SPOCK1: variants seen among roughly 807,000 people sequenced by gnomAD.
The protein encoded by SPOCK1 is testican-1.
Under a neutral mutation model 55.3 loss-of-function variants are expected in SPOCK1, and 23 were observed. The ratio of observed to expected loss-of-function variants is 0.42; its 90% CI spans 0.30 to 0.59. The LOEUF (loss-of-function observed/expected upper bound fraction) is 0.59. Ranked by LOEUF, SPOCK1 falls within the 20% of genes least tolerant of loss-of-function variation. SPOCK1 has a pLI of 0.22. For missense variants in SPOCK1, 499 were observed against 552.5 expected (o/e 0.90, Z 0.97); for synonymous variants, 226 against 221.0 (o/e 1.02, Z -0.20).
At chr5:137,406,300 G>A (rs1048437311) in intron 2 of SPOCK1, among the ~76,000 whole-genome samples, 1 of 152,210 alleles carries the variant, frequency 6.6e-6, no homozygotes, top group Non-Finnish European at 1.5e-5. Flanking sequence ...TCGGAAGGAA[G>A]AGATTAATTC....
chr5:137,384,576 A>ATATATATATG (rs747142799), intron 2 of SPOCK1, among the ~76,000 whole-genome samples: 55 of 140,270 alleles, frequency 3.9e-4, no homozygotes, highest in South Asian at 1.2e-3. Context: ...ATATATATAT[A>ATATATATATG]TATGTATGTA....
At chr5:137,274,032 G>T (rs1477497412) in intron 2 of SPOCK1, among the ~76,000 whole-genome samples, 1 of 152,166 alleles carries the variant, frequency 6.6e-6, no homozygotes, top group Non-Finnish European at 1.5e-5. Flanking sequence ...TCCAAGCTGG[G>T]GTGGAGAGAA....
intron 2 of SPOCK1, among the ~76,000 whole-genome samples, chr5:137,276,044 T>A (rs1757060616): frequency 6.6e-6 from 1 of 152,162 alleles, no homozygotes; most frequent in African/African-American, 2.4e-5. Context: ...TCTGGTCACA[T>A]CACCCTCCTG....
chr5:137,023,888 G>C (rs1751618571), intron 6 of SPOCK1, among the ~76,000 whole-genome samples: 1 of 151,210 alleles, frequency 6.6e-6, no homozygotes, highest in African/African-American at 2.4e-5. Context: ...TGCAAATAAA[G>C]GTAGTAAAAT....
At chr5:137,112,606 C>A (rs751947597) in intron 4 of SPOCK1, 45 bp from the exon 5 acceptor site, 1 of 1,589,278 alleles carries the variant, frequency 6.3e-7, no homozygotes, top group Admixed American at 1.8e-5. Flanking sequence ...AGCTCCAGAC[C>A]CTATGAGTCT....
intron 2 of SPOCK1, among the ~76,000 whole-genome samples, chr5:137,445,670 C>G (rs1661850564): frequency 6.6e-6 from 1 of 152,200 alleles, no homozygotes; most frequent in Admixed American, 6.5e-5. Flanking sequence ...ATCCAGCAAT[C>G]CTCTAATAGC....
rs76894519 is a variant in SPOCK1, at chr5:137,103,434, T to C, written c.474+9001A>G. Among the ~76,000 whole-genome samples, 55 of 152,336 alleles carry C rather than the reference T, an allele frequency of 3.6e-4. No homozygotes were observed. The East Asian group carries it at 9.8e-3, about 27-fold the overall frequency. ...GGGATGTAAACAGAAGTAACACTAG[T>C]GGCTTCGCAATTGTGCCCCCTTTCT... On this transcript the variant is annotated intron_variant, in intron 5 of 10. Coordinates refer to ENST00000394945, the MANE Select transcript of SPOCK1 (RefSeq NM_004598.4).
At chr5:137,124,113 G>A (rs746205586) in intron 4 of SPOCK1, among the ~76,000 whole-genome samples, 10 of 152,110 alleles carry the variant, frequency 6.6e-5, no homozygotes, top group South Asian at 2.1e-4. Flanking sequence ...AACTTTCCAC[G>A]TACCACAAGA....
At chr5:137,336,332 G>A (rs1437082851) in intron 2 of SPOCK1, among the ~76,000 whole-genome samples, 4 of 152,196 alleles carry the variant, frequency 2.6e-5, no homozygotes, top group Non-Finnish European at 4.4e-5. Context: ...TTGCATTCCA[G>A]AACCCACCAT....
intron 2 of SPOCK1, among the ~76,000 whole-genome samples, chr5:137,319,204 CAGAGAACT>C (rs1757936370): frequency 6.6e-6 from 1 of 152,184 alleles, no homozygotes; most frequent in Non-Finnish European, 1.5e-5. Flanking sequence ...TGCCTCTCAT[CAGAGAACT>C]GAGGATTCAC....
chr5:137,160,600 TATATATA>T (rs1401228477), intron 3 of SPOCK1, among the ~76,000 whole-genome samples: 4,149 of 58,586 alleles, frequency 0.071, 233 homozygotes, highest in Non-Finnish European at 0.098. Flanking sequence ...TATAATATAT[TATATATA>T]ATATATAATA....
intron 4 of SPOCK1, among the ~76,000 whole-genome samples, chr5:137,122,052 A>G (rs1225719227): frequency 6.6e-6 from 1 of 151,828 alleles, no homozygotes; most frequent in Admixed American, 6.6e-5. Flanking sequence ...GAAGACTAAT[A>G]GGATGACGTG....
chr5:137,406,355 A>G (rs1752099300), intron 2 of SPOCK1, among the ~76,000 whole-genome samples: 1 of 152,236 alleles, frequency 6.6e-6, no homozygotes, highest in Non-Finnish European at 1.5e-5. Flanking sequence ...CCACAGGAGC[A>G]GTAAGGCCAG....
At chr5:137,074,881 T>A (rs1752721088) in intron 5 of SPOCK1, among the ~76,000 whole-genome samples, 1 of 152,142 alleles carries the variant, frequency 6.6e-6, no homozygotes, top group South Asian at 2.1e-4. Flanking sequence ...ATTTTTGTAT[T>A]TTTAGTAGAG....
chr5:137,241,389 AC>A (rs1756278417), intron 3 of SPOCK1, among the ~76,000 whole-genome samples: 2 of 152,226 alleles, frequency 1.3e-5, no homozygotes, highest in South Asian at 4.1e-4. Flanking sequence ...CAAATGAAAG[AC>A]CAAGGACCCA....
chr5:137,306,272 A>G (rs1757699410), intron 2 of SPOCK1, among the ~76,000 whole-genome samples: 1 of 152,198 alleles, frequency 6.6e-6, no homozygotes, highest in South Asian at 2.1e-4. Flanking sequence ...ACATAAAACC[A>G]CCATGGGGGT....
chr5:137,184,110 G>T (rs1296428881), intron 3 of SPOCK1, among the ~76,000 whole-genome samples: 5 of 152,160 alleles, frequency 3.3e-5, no homozygotes. Context: ...TCCAGGACAA[G>T]AACAAATTTT....
intron 6 of SPOCK1, among the ~76,000 whole-genome samples, chr5:137,038,234 G>A (rs1372401681): frequency 1.3e-5 from 2 of 152,172 alleles, no homozygotes; most frequent in African/African-American, 2.4e-5. Context: ...GACCTTACTG[G>A]ATGTCAAATT....
At chr5:137,349,027 A>G (rs769183526) in intron 2 of SPOCK1, among the ~76,000 whole-genome samples, 2 of 152,190 alleles carry the variant, frequency 1.3e-5, no homozygotes, top group Non-Finnish European at 2.9e-5. Flanking sequence ...CTCTTACACA[A>G]TGTTGGAGAA....
Sources: gnomAD v4.1 joint callset for allele counts (sites outside exome capture counted in the v4.1 genomes callset) on GRCh38, gnomAD v4.1.1 for gene constraint, MANE v1.5 for transcripts, NCBI Gene and HGNC (gene_info 2026-07-23, HGNC 2026-07-21) for gene names.